Variants in LHFPL1 observed in about 807,000 individuals in gnomAD.
LHFPL1 encodes LHFPL tetraspan subfamily member 1 protein.
LHFPL1 carries 4 observed loss-of-function variants against 12.1 expected under a neutral mutation model. The ratio of observed to expected loss-of-function variants is 0.33; its 90% CI spans 0.16 to 0.76. The LOEUF is 0.76. Ranked by LOEUF, LHFPL1 falls within the 30% of genes least tolerant of loss-of-function variation. The pLI is 0.61. For missense variants in LHFPL1, 141 were observed against 174.1 expected (o/e 0.81, Z 1.07); for synonymous variants, 52 against 61.9 (o/e 0.84, Z 0.75).
rs779248124 is a variant in LHFPL1, at chrX:112,633,045, C to T, written c.482-1444G>A. 8.0e-5 allele frequency among the ~76,000 whole-genome samples: 9 copies of T among 112,212 alleles called. No individual in the cohort carries two copies. In the East Asian group the frequency reaches 8.4e-4, roughly 10 times the overall value. On this transcript the variant is annotated intron_variant, in intron 3 of 3. Coordinates refer to ENST00000371968, the MANE Select transcript of LHFPL1 (RefSeq NM_178175.4). ...CCAGGTAGCCCTCCCGGAATGTATC[C>T]GTATACTCCATTGACAGATGTACCT...
chrX:112,635,323 T>G (rs1265363449), intron 3 of LHFPL1, among the ~76,000 whole-genome samples: 2 of 112,709 alleles, frequency 1.8e-5, no homozygotes, highest in Non-Finnish European at 3.7e-5. Flanking sequence ...CATTTACTGC[T>G]CAGGGAACTG....
intron 3 of LHFPL1, among the ~76,000 whole-genome samples, chrX:112,646,724 G>C (rs1015426719): frequency 9.1e-6 from 1 of 109,787 alleles, no homozygotes; most frequent in Non-Finnish European, 1.9e-5. Context: ...CTAAAAGATT[G>C]ATGGGGGACT....
intron 3 of LHFPL1, among the ~76,000 whole-genome samples, chrX:112,638,772 T>C (rs1199556895): frequency 9.0e-6 from 1 of 111,425 alleles, no homozygotes; most frequent in Admixed American, 9.5e-5. Flanking sequence ...ATAAACACAG[T>C]TCAGGAAAGC....
chrX:112,638,123 C>T (rs1009745893), intron 3 of LHFPL1, among the ~76,000 whole-genome samples: 1 of 111,884 alleles, frequency 8.9e-6, no homozygotes, highest in Non-Finnish European at 1.9e-5. Flanking sequence ...AATTAGAAGA[C>T]TGGAGGGTGT....
At chrX:112,655,776 CCA>C (rs924037865) in intron 3 of LHFPL1, among the ~76,000 whole-genome samples, 3 of 111,122 alleles carry the variant, frequency 2.7e-5, no homozygotes, top group African/African-American at 6.6e-5. Context: ...ACCATGTTTC[CCA>C]GGCTGGTCTT....
At chrX:112,644,749 G>T (rs1421482688) in intron 3 of LHFPL1, among the ~76,000 whole-genome samples, 1 of 112,008 alleles carries the variant, frequency 8.9e-6, no homozygotes, top group East Asian at 2.8e-4. Flanking sequence ...GGCCATGGTT[G>T]TTTCTACCAC....
intron 1 of LHFPL1, among the ~76,000 whole-genome samples, chrX:112,675,948 G>A (rs889809203): frequency 8.9e-6 from 1 of 112,180 alleles, no homozygotes; most frequent in Non-Finnish European, 1.9e-5. Flanking sequence ...TGACTTGAAC[G>A]CAATCAAGAA....
chrX:112,644,004 C>T (rs951666104), intron 3 of LHFPL1, among the ~76,000 whole-genome samples: 2 of 112,204 alleles, frequency 1.8e-5, no homozygotes, highest in Non-Finnish European at 3.8e-5. Context: ...CTGACTGATT[C>T]CCCCACTGCC....
At chrX:112,672,430 A>G (rs1445261789) in intron 1 of LHFPL1, among the ~76,000 whole-genome samples, 6 of 110,283 alleles carry the variant, frequency 5.4e-5, no homozygotes, top group African/African-American at 2.0e-4. Context: ...TTTCCTCCCA[A>G]CTCCATTAAT....
intron 3 of LHFPL1, among the ~76,000 whole-genome samples, chrX:112,634,444 T>A (rs1015205550): frequency 9.0e-6 from 1 of 111,328 alleles, no homozygotes; most frequent in East Asian, 2.8e-4. Context: ...AACTTCATCC[T>A]CCCCAGCTTA....
At chrX:112,663,234 G>A (rs1400753731) in intron 2 of LHFPL1, among the ~76,000 whole-genome samples, 3 of 112,004 alleles carry the variant, frequency 2.7e-5, no homozygotes, top group Non-Finnish European at 3.8e-5. Flanking sequence ...GCTTACTCCT[G>A]TGACTAAAAT....
intron 3 of LHFPL1, among the ~76,000 whole-genome samples, chrX:112,651,490 T>A (rs1788858166): frequency 9.0e-6 from 1 of 111,507 alleles, no homozygotes; most frequent in African/African-American, 3.3e-5. Flanking sequence ...TTGCTTGACA[T>A]CTCCACTTGG....
At chrX:112,653,208 G>T (rs1033182674) in intron 3 of LHFPL1, among the ~76,000 whole-genome samples, 43 of 111,804 alleles carry the variant, frequency 3.8e-4, no homozygotes, top group African/African-American at 1.3e-3. Context: ...TGAAGCCTAT[G>T]CAAGCATTCA....
chrX:112,635,943 T>C (rs1041321846), intron 3 of LHFPL1, among the ~76,000 whole-genome samples: 1 of 111,717 alleles, frequency 9.0e-6, no homozygotes, highest in Non-Finnish European at 1.9e-5. Flanking sequence ...ACAAGCAGTG[T>C]GAAACAATGG....
intron 3 of LHFPL1, among the ~76,000 whole-genome samples, chrX:112,658,431 C>CAAAAAAAAAAAAAAA (rs1160376369): frequency 2.5e-5 from 1 of 40,229 alleles, no homozygotes; most frequent in Admixed American, 3.0e-4. Context: ...TCTCAAAAAA[C>CAAAAAAAAAAAAAAA]AAAAAAAAAA....
intron 3 of LHFPL1, among the ~76,000 whole-genome samples, chrX:112,634,704 T>C (rs1052451597): frequency 7.2e-5 from 8 of 111,155 alleles, no homozygotes; most frequent in Admixed American, 2.9e-4. Flanking sequence ...AAGGCCCCAA[T>C]AAACCTCACT....
intron 1 of LHFPL1, among the ~76,000 whole-genome samples, chrX:112,671,671 T>A (rs759433182): frequency 1.4e-4 from 16 of 112,137 alleles, no homozygotes; most frequent in East Asian, 2.8e-4. Flanking sequence ...ACCAGATAAC[T>A]GAATTAGGGT....
intron 2 of LHFPL1, among the ~76,000 whole-genome samples, chrX:112,663,627 G>A (rs1931252366): frequency 8.9e-6 from 1 of 112,250 alleles, no homozygotes; most frequent in Non-Finnish European, 1.9e-5. Flanking sequence ...AGGTCACATA[G>A]CTAGTAACTA....
At chrX:112,634,790 A>C (rs995104722) in intron 3 of LHFPL1, among the ~76,000 whole-genome samples, 3 of 111,032 alleles carry the variant, frequency 2.7e-5, no homozygotes, top group African/African-American at 9.9e-5. Flanking sequence ...TGCCTTGTGA[A>C]TTCCCTCTCA....
Sources: allele counts gnomAD v4.1 joint callset (sites outside exome capture counted in the v4.1 genomes callset), GRCh38; gene constraint gnomAD v4.1.1; transcripts MANE v1.5; gene names NCBI Gene and HGNC (gene_info 2026-07-23, HGNC 2026-07-21).